PDE1A: variants seen among roughly 807,000 people sequenced by gnomAD.
PDE1A encodes the protein phosphodiesterase 1A, also known as dual specificity calcium/calmodulin-dependent 3',5'-cyclic nucleotide phosphodiesterase 1A.
Under a neutral mutation model 61.7 loss-of-function variants are expected in PDE1A, and 35 were observed. The ratio of observed to expected loss-of-function variants is 0.57; its 90% CI spans 0.43 to 0.75. The LOEUF is 0.75. Ranked by LOEUF, PDE1A falls within the 30% of genes least tolerant of loss-of-function variation. The pLI, the probability that PDE1A is intolerant of heterozygous loss-of-function variation, is 0.00. For synonymous variants in PDE1A, 232 were observed against 213.2 expected (o/e 1.09, Z -0.77); for missense variants, 597 against 630.6 (o/e 0.95, Z 0.57).
At chr2:182,177,999 T>G (rs1684415804) in intron 13 of PDE1A, among the ~76,000 whole-genome samples, 1 of 152,180 alleles carries the variant, frequency 6.6e-6, no homozygotes, top group Non-Finnish European at 1.5e-5. Context: ...TCAAATATTG[T>G]TTTTCATTTC....
chr2:182,656,577 G>C, the PDE1A span, among the ~76,000 whole-genome samples: 2 of 152,152 alleles, frequency 1.3e-5, no homozygotes, highest in East Asian at 1.9e-4. Flanking sequence ...TTTAAGTTCT[G>C]CAGAAAATGG....
the PDE1A span, among the ~76,000 whole-genome samples, chr2:182,671,157 G>T: frequency 6.6e-6 from 1 of 150,850 alleles, no homozygotes; most frequent in Non-Finnish European, 1.5e-5. Flanking sequence ...TGGTTATGCT[G>T]CAAGTCTATG....
At chr2:182,184,499 AAAGT>A (rs1290058834) in intron 13 of PDE1A, among the ~76,000 whole-genome samples, 1 of 152,208 alleles carries the variant, frequency 6.6e-6, no homozygotes, top group Non-Finnish European at 1.5e-5. Flanking sequence ...TTCATAAATA[AAAGT>A]AAGATACAGA....
intron 1 of PDE1A, among the ~76,000 whole-genome samples, chr2:182,405,012 A>T (rs941639743): frequency 3.9e-5 from 6 of 152,158 alleles, no homozygotes; most frequent in Admixed American, 1.3e-4. Context: ...CTTTTATACA[A>T]CTGGCAGTGC....
intron 1 of PDE1A, among the ~76,000 whole-genome samples, chr2:182,404,784 C>A (rs1254607047): frequency 6.6e-6 from 1 of 152,156 alleles, no homozygotes; most frequent in African/African-American, 2.4e-5. Flanking sequence ...GGCAATACCA[C>A]GCATGGAGCT....
At chr2:182,145,353 T>C (rs916262027), downstream of PDE1A, among the ~76,000 whole-genome samples, 14 of 151,900 alleles carry the variant, frequency 9.2e-5, no homozygotes, top group Admixed American at 3.3e-4. Flanking sequence ...ATAATTTAAC[T>C]GGCCTTGACA....
At chr2:182,185,798 T>C in intron 13 of PDE1A, 94 bp downstream of exon 13, 3 of 1,579,242 alleles carry the variant, frequency 1.9e-6, no homozygotes, top group Admixed American at 1.8e-5. Context: ...TTACATATTC[T>C]ATAGAAGAAG....
downstream of PDE1A, among the ~76,000 whole-genome samples, chr2:182,165,989 G>T (rs1424002446): frequency 1.3e-5 from 2 of 152,144 alleles, no homozygotes; most frequent in Non-Finnish European, 2.9e-5. Context: ...TTCTTCTGAG[G>T]ATGGGATTAG....
intron 1 of PDE1A, among the ~76,000 whole-genome samples, chr2:182,374,394 A>G (rs192694251): frequency 8.6e-4 from 131 of 152,254 alleles, no homozygotes; most frequent in African/African-American, 3.0e-3. Flanking sequence ...AAATACAGGA[A>G]AATCTTTGTA....
chr2:182,179,618 G>C (rs1300427917), intron 13 of PDE1A, among the ~76,000 whole-genome samples: 5 of 152,054 alleles, frequency 3.3e-5, no homozygotes, highest in Non-Finnish European at 7.4e-5. Context: ...TTGGGGCCTA[G>C]ATGGTAGGTT....
chr2:182,206,084 A>G lies in PDE1A; in HGVS notation c.777-19T>C, dbSNP rs1408074929. ...ATCTGACCTAAGAATTAAAAACAAA[A>G]TGCCCAACAGAGGATTTCTTTAGAC... On this transcript the variant is annotated intron_variant, in intron 7 of 13. Coordinates refer to ENST00000351439, the Ensembl canonical transcript of PDE1A. 6.3e-7 allele frequency: 1 copy of G among 1,596,626 alleles called. No individual in the cohort carries two copies. The highest frequency in any genetic ancestry group is 8.5e-7 in the Non-Finnish European group (1 of 1,171,244).
At chr2:182,377,852 G>GTT (rs565502154) in intron 1 of PDE1A, among the ~76,000 whole-genome samples, 273 of 146,194 alleles carry the variant, frequency 1.9e-3, no homozygotes, top group African/African-American at 6.2e-3. Flanking sequence ...AATTCAGACA[G>GTT]TTTTTTTTTT....
At chr2:182,407,295 T>C (rs1389880579) in intron 1 of PDE1A, among the ~76,000 whole-genome samples, 1 of 152,094 alleles carries the variant, frequency 6.6e-6, no homozygotes, top group African/African-American at 2.4e-5. Flanking sequence ...TTATACTTGG[T>C]AAACATTTCC....
chr2:182,541,362 C>G, the PDE1A span, among the ~76,000 whole-genome samples: 1 of 152,114 alleles, frequency 6.6e-6, no homozygotes, highest in East Asian at 1.9e-4. Flanking sequence ...AAATAAAAAG[C>G]CAACAGAGAT....
chr2:182,215,450 C>A (rs904284393), intron 7 of PDE1A, among the ~76,000 whole-genome samples: 4 of 149,466 alleles, frequency 2.7e-5, no homozygotes, highest in Non-Finnish European at 5.9e-5. Flanking sequence ...ACATAAAAAA[C>A]CCTTCAAAAA....
intron 2 of PDE1A, among the ~76,000 whole-genome samples, chr2:182,454,493 G>T (rs1574698475): frequency 6.6e-6 from 1 of 152,038 alleles, no homozygotes; most frequent in Non-Finnish European, 1.5e-5. Flanking sequence ...AAAGCCGGAG[G>T]CGTCATGCTA....
chr2:182,447,313 C>T (rs1426373624), intron 2 of PDE1A, among the ~76,000 whole-genome samples: 2 of 151,938 alleles, frequency 1.3e-5, no homozygotes, highest in African/African-American at 4.8e-5. Flanking sequence ...GACATGGCCA[C>T]ATAAGACCGT....
the PDE1A span, among the ~76,000 whole-genome samples, chr2:182,652,684 G>C: frequency 6.6e-6 from 1 of 152,142 alleles, no homozygotes; most frequent in Non-Finnish European, 1.5e-5. Flanking sequence ...AGTGTTCAAG[G>C]TGGTGGCCTC....
intron 1 of PDE1A, among the ~76,000 whole-genome samples, chr2:182,387,857 G>A (rs989135034): frequency 2.6e-5 from 4 of 152,084 alleles, no homozygotes; most frequent in African/African-American, 9.7e-5. Flanking sequence ...TACCTTGAAT[G>A]TAAATGTATT....
Sources: gnomAD v4.1 joint callset for allele counts (sites outside exome capture counted in the v4.1 genomes callset) on GRCh38, gnomAD v4.1.1 for gene constraint, MANE v1.5 for transcripts, NCBI Gene and HGNC (gene_info 2026-07-23, HGNC 2026-07-21) for gene names.